Variants in CENPM observed in about 807,000 individuals in gnomAD.
CENPM encodes the protein interphase centromere complex protein 39.
In CENPM, 14 loss-of-function variants were observed where a neutral mutation model predicts 19.6. That is an observed-to-expected ratio of 0.71 (90% CI 0.47 to 1.11). The LOEUF is 1.11. CENPM is among the 50% of genes most tolerant of loss of function. The pLI is 0.00. For missense variants in CENPM, 239 were observed against 228.4 expected (o/e 1.05, Z -0.30); for synonymous variants, 114 against 101.5 (o/e 1.12, Z -0.74).
chr22:41,928,120 G>C, the CENPM span: 1 of 382,966 alleles, frequency 2.6e-6, no homozygotes, highest in Non-Finnish European at 5.2e-6. This position sits in a 1 kb window ranked among gnomAD's most constrained non-coding sequence, Gnocchi z 4.0. Flanking sequence ...TGTGGCTGGG[G>C]GACACGAGGG....
Position 41,945,972 on chromosome 22 carries a change from A to C in CENPM, c.171T>G (p.Ser57Arg). 1 of 1,613,938 alleles carries C rather than the reference A, an allele frequency of 6.2e-7. No homozygotes were observed. The highest frequency in any genetic ancestry group is 8.5e-7 in the Non-Finnish European group (1 of 1,179,944). ...HLAKSLPLPSSVNRPRIDLIV... is the reference protein window; with the variant it reads ...HLAKSLPLPSRVNRPRIDLIV... Reference sequence around the variant, plus strand: ...TCAGGTCAATTCGGGGCCGATTCACACTGGAGGGCAAAGGGAGGGACTTTG... The same window carrying C: ...TCAGGTCAATTCGGGGCCGATTCACCCTGGAGGGCAAAGGGAGGGACTTTG... The change falls in exon 3 of 6, where the codon AGT becomes AGG. Residue 57 changes from serine to arginine, a missense_variant. Coordinates refer to ENST00000215980, the MANE Select transcript of CENPM (RefSeq NM_024053.5).
chr22:41,944,984 G>A, intron 4 of CENPM: 3 of 1,357,504 alleles, frequency 2.2e-6, no homozygotes, highest in Non-Finnish European at 2.9e-6. Context: ...TTGTTATGTA[G>A]TTAAAACTTG....
intron 5 of CENPM, among the ~76,000 whole-genome samples, chr22:41,943,251 G>A (rs2077759049): frequency 6.6e-6 from 1 of 152,194 alleles, no homozygotes; most frequent in Non-Finnish European, 1.5e-5. Context: ...CCCAGCAGGA[G>A]AGTGGACTCA....
chr22:41,936,603 T>C (rs2077684841), downstream of CENPM, among the ~76,000 whole-genome samples: 2 of 152,122 alleles, frequency 1.3e-5, no homozygotes, highest in Non-Finnish European at 2.9e-5. Flanking sequence ...GTGAAGGGCA[T>C]GGGCCCAGCT....
chr22:41,934,069 A>G (rs1022706888), downstream of CENPM, among the ~76,000 whole-genome samples: 2 of 152,058 alleles, frequency 1.3e-5, no homozygotes, highest in Non-Finnish European at 2.9e-5. Context: ...TCAGCCACAG[A>G]CCCCAAGTCG....
intron 5 of CENPM, among the ~76,000 whole-genome samples, chr22:41,939,965 C>A (rs991001483): frequency 1.3e-5 from 2 of 151,808 alleles, no homozygotes; most frequent in Non-Finnish European, 2.9e-5. Flanking sequence ...ACTCTCCTCC[C>A]GGCAGCCAGA....
intron 2 of CENPM, 113 bp downstream of exon 2, chr22:41,946,304 G>A (rs2077801046): frequency 2.2e-6 from 2 of 904,290 alleles, no homozygotes; most frequent in Admixed American, 2.3e-5. Context: ...TGCATGCTGG[G>A]AGAAGGACCA....
chr22:41,936,552 C>T (rs1052273428), downstream of CENPM, among the ~76,000 whole-genome samples: 13 of 152,192 alleles, frequency 8.5e-5, no homozygotes, highest in African/African-American at 2.9e-4. Context: ...AGGGCCGCAT[C>T]CCCGACACCT....
chr22:41,946,935 G>A, intron 1 of CENPM, 85 bp downstream of exon 1: 2 of 1,400,390 alleles, frequency 1.4e-6, no homozygotes, highest in South Asian at 1.2e-5. Flanking sequence ...CTGGCTTGGC[G>A]CCTCAGAGAG....
At chr22:41,936,440 A>G (rs2077684129), downstream of CENPM, among the ~76,000 whole-genome samples, 1 of 152,236 alleles carries the variant, frequency 6.6e-6, no homozygotes, top group Non-Finnish European at 1.5e-5. Context: ...GCGGAGCCCA[A>G]GGGACTGCCA....
intron 4 of CENPM, 70 bp from the exon 5 acceptor site, chr22:41,943,771 C>A: frequency 7.3e-7 from 1 of 1,374,886 alleles, no homozygotes; most frequent in Non-Finnish European, 1.0e-6. Flanking sequence ...AAGTGCTGGG[C>A]AGAGTCACTC....
At chr22:41,946,149 T>C (rs1284141523) in intron 2 of CENPM, 144 bp from the exon 3 acceptor site, 1 of 747,866 alleles carries the variant, frequency 1.3e-6, no homozygotes, top group African/African-American at 1.8e-5. Context: ...CCACGACTCC[T>C]TGGGCCAGCA....
At position 41,943,735 on chromosome 22, in the gene CENPM, C is replaced by G. The variant is rs532852056; in HGVS notation, c.311-34G>C. 5 of 1,580,372 alleles carry G rather than the reference C, an allele frequency of 3.2e-6. No homozygotes were observed. In the South Asian group the frequency reaches 3.4e-5, roughly 11 times the overall value. On this transcript the variant is annotated intron_variant, in intron 4 of 5. Transcript: ENST00000215980. Reference sequence around the variant, plus strand: ...AAGCCATGAGTGCTATAGCTGCAATCTCTACCTTCCTGGCTGGAATTCAGG... The same window carrying G: ...AAGCCATGAGTGCTATAGCTGCAATGTCTACCTTCCTGGCTGGAATTCAGG...
the CENPM span, among the ~76,000 whole-genome samples, chr22:41,928,403 C>T: frequency 6.6e-6 from 1 of 152,180 alleles, no homozygotes; most frequent in Non-Finnish European, 1.5e-5. This position sits in a 1 kb window ranked among gnomAD's most constrained non-coding sequence, Gnocchi z 4.0. Flanking sequence ...CACATGCTAC[C>T]CCCTCCCCAG....
downstream of CENPM, among the ~76,000 whole-genome samples, chr22:41,935,143 A>G (rs543759245): frequency 6.6e-6 from 1 of 152,366 alleles, no homozygotes; most frequent in East Asian, 1.9e-4. Flanking sequence ...CGGCAGTGAC[A>G]GCACTGTGTT....
chr22:41,938,841 T>TGTGGGA lies in CENPM; in HGVS notation c.*209_*214dup. 1.9e-6 allele frequency: 1 copy of TGTGGGA among 535,062 alleles called. No individual in the cohort carries two copies. The highest frequency in any genetic ancestry group is 3.3e-6 in the Non-Finnish European group (1 of 302,320). 33.1% of individuals were successfully genotyped at this position (535,062 alleles called of 1,614,324 possible). A position where few individuals can be genotyped will look rare whatever the true frequency, so the allele number is the denominator to read the frequency against. On this transcript the variant is annotated 3_prime_UTR_variant, in exon 6 of 6. Coordinates refer to ENST00000215980, the MANE Select transcript of CENPM (RefSeq NM_024053.5). ...AAGACACAGGCTCTGCAAGAGTGAG[T>TGTGGGA]GTGGGAGTGGGAGGGGGCTACAGTC...
downstream of CENPM, among the ~76,000 whole-genome samples, chr22:41,935,630 G>A (rs923701160): frequency 2.6e-5 from 4 of 152,138 alleles, no homozygotes; most frequent in Non-Finnish European, 4.4e-5. Flanking sequence ...CCAAGTGCCC[G>A]AGGGGCTTTT....
intron 3 of CENPM, 144 bp from the exon 4 acceptor site, chr22:41,945,448 T>C (rs2077788735): frequency 6.2e-5 from 10 of 161,446 alleles, no homozygotes; most frequent in South Asian, 2.0e-4. Context: ...TGTCCTTTAA[T>C]TTTTTTTTTT....
chr22:41,938,059 G>A (rs139454492), downstream of CENPM, among the ~76,000 whole-genome samples: 8,799 of 151,124 alleles, frequency 0.058, 305 homozygotes, highest in Non-Finnish European at 0.079. Context: ...AGCCAGGATG[G>A]TCTCGATCTC....
Sources: gnomAD v4.1 joint callset for allele counts (sites outside exome capture counted in the v4.1 genomes callset) on GRCh38, gnomAD v4.1.1 for gene constraint, Gnocchi (gnomAD v3.1) non-coding constraint, MANE v1.5 for transcripts, NCBI Gene and HGNC (gene_info 2026-07-23, HGNC 2026-07-21) for gene names.